WNK4: variants seen among roughly 807,000 people sequenced by gnomAD.
WNK4 encodes WNK lysine deficient protein kinase 4, also known as serine/threonine-protein kinase WNK4.
Under a neutral mutation model 116.2 loss-of-function variants are expected in WNK4, and 94 were observed. The observed-to-expected ratio is 0.81, with a 90% CI of 0.68 to 0.96. WNK4 has a LOEUF of 0.96. Among genes scored for constraint, WNK4 ranks in the 40% least tolerant of loss-of-function variants. The pLI, the probability that WNK4 is intolerant of heterozygous loss-of-function variation, is 0.00. For missense variants in WNK4, 1,542 were observed against 1,650.6 expected (o/e 0.93, Z 1.14); for synonymous variants, 655 against 672.7 (o/e 0.97, Z 0.41).
chr17:42,781,103 G>A lies in WNK4; in HGVS notation c.405G>A (p.Gly135=), dbSNP rs1374609078. Residue 135 remains glycine (G), a synonymous_variant, in exon 1 of 19, where the codon GGG becomes GGA. Coordinates refer to ENST00000246914, the MANE Select transcript of WNK4 (RefSeq NM_032387.5). ...TCCCGGACTCTGCAGTGGGCCCGGG[G>A]TCCAGGGAGCCGCTAAGGGTCCCTG... ...PELPDSAVGP[G]SREPLRVPEA... is the part of the protein sequence containing the mutation. The A allele has an allele frequency of 3.1e-6, 5 of 1,613,538 alleles. No individual in the cohort carries two copies. In the African/African-American group the frequency reaches 5.3e-5, roughly 17 times the overall value.
At position 42,787,791 on chromosome 17, in the gene WNK4, T is replaced by C. The variant is rs1484618451; in HGVS notation, c.1755T>C (p.Thr585=). The stretch of plus-strand genomic sequence containing the variant: ...CTCCCCAACCAGCGGATTGCGAGAC[T>C]GATGGCTACCTCAGCTCCTCCGGCT... ...SYSSTTSDCE[T]DGYLSSSGFL... is the part of the protein sequence containing the mutation. The change falls in exon 8 of 19, where the codon ACT becomes ACC. Residue 585 remains threonine, a synonymous_variant. Coordinates refer to ENST00000246914, the MANE Select transcript of WNK4 (RefSeq NM_032387.5). 6 of 1,612,308 alleles carry C rather than the reference T, an allele frequency of 3.7e-6. No individual in the cohort carries two copies. The East Asian group carries it at 1.3e-4, about 36-fold the overall frequency.
chr17:42,788,473 CG>C, intron 10 of WNK4, 66 bp downstream of exon 10: 1 of 1,518,322 alleles, frequency 6.6e-7, no homozygotes, highest in Non-Finnish European at 9.1e-7. Flanking sequence ...CAGGGGGAGG[CG>C]GGGGAGGTCA....
At chr17:42,783,788 C>T in intron 2 of WNK4, 149 bp from the exon 3 acceptor site, 1 of 767,664 alleles carries the variant, frequency 1.3e-6, no homozygotes, top group Non-Finnish European at 2.2e-6. Flanking sequence ...CAGTTTCTCC[C>T]TGGGGCCGGG....
rs751240549 is a variant in WNK4 at position 42,788,685 on chromosome 17, C to G, written c.2045C>G (p.Ser682Ter). The G allele has an allele frequency of 9.9e-6, 16 of 1,613,694 alleles. No individual in the cohort carries two copies. Among genetic ancestry groups the G allele is most frequent in the Non-Finnish European group, 1.4e-5 (16 of 1,179,624 alleles). The change falls in exon 11 of 19, where the codon TCA (serine) becomes TGA (stop). Residue 682 changes from serine to a stop codon, truncating the protein, a stop_gained. Coordinates refer to ENST00000246914, the MANE Select transcript of WNK4 (RefSeq NM_032387.5). LOFTEE classifies it high-confidence loss of function. The stretch of plus-strand genomic sequence containing the variant: ...CTGCTGACTTTGAATCTGAAGGTCT[C>G]AGACCAGAATGACAGAGTGGTTGAG... ...PRSRLRVTSV[S>*]DQNDRVVECQ...
intron 17 of WNK4, 21 bp downstream of exon 17, chr17:42,796,343 C>A: frequency 6.2e-7 from 1 of 1,610,068 alleles, no homozygotes; most frequent in Non-Finnish European, 8.5e-7. Flanking sequence ...AGTCACCCAG[C>A]TTCCATCTTT....
rs1487531102 is a variant in WNK4 at position 42,782,339 on chromosome 17, G to A, written c.619-419G>A. On this transcript the variant is annotated intron_variant, in intron 1 of 18. Coordinates refer to ENST00000246914, the MANE Select transcript of WNK4 (RefSeq NM_032387.5). This position sits in a 1 kb window ranked among gnomAD's most constrained non-coding sequence, Gnocchi z 4.2. Reference sequence around the variant, plus strand: ...CCTTCCGTCTGGATCTAGCAGTTCTGTTTCTGGGGCCAACCCCCTTGCCGG... The same window carrying A: ...CCTTCCGTCTGGATCTAGCAGTTCTATTTCTGGGGCCAACCCCCTTGCCGG... Among the ~76,000 whole-genome samples, 9 of 152,226 alleles carry A rather than the reference G, an allele frequency of 5.9e-5. No individual in the cohort carries two copies. Among genetic ancestry groups the A allele is most frequent in the Admixed American group, 5.2e-4 (8 of 15,290 alleles).
chr17:42,784,010 C>A lies in WNK4; in HGVS notation c.865C>A (p.His289Asn), dbSNP rs756949847. Reference protein sequence around the residue: ...RWSRQILRGLHFLHSRVPPIL... With the variant: ...RWSRQILRGLNFLHSRVPPIL... ...GAGCCGCCAAATCCTGCGGGGACTT[C>A]ATTTCCTACACTCCCGGGTTCCTCC... Residue 289 changes from histidine (H) to asparagine (N), a missense_variant, in exon 3 of 19, where the codon CAT becomes AAT. Transcript: ENST00000246914. The surrounding 1 kb of genome is among the most constrained non-coding windows in gnomAD (Gnocchi z 4.4). The A allele has an allele frequency of 6.2e-7, 1 of 1,614,128 alleles. No individual in the cohort carries two copies. The highest frequency in any genetic ancestry group is 1.7e-5 in the Admixed American group (1 of 60,032).
At position 42,787,864 on chromosome 17, in the gene WNK4, T is replaced by C; in HGVS notation, c.1828T>C (p.Ser610Pro). Residue 610 changes from serine (S) to proline (P), a missense_variant, in exon 8 of 19, where the codon TCC (serine) becomes CCC (proline). By Grantham distance (74) the Ser-to-Pro change is moderately conservative. This residue lies in a region of WNK4 where 808 missense variants were observed against 873.6 expected (regional missense o/e 0.92). Transcript: ENST00000246914. The part of the protein sequence containing the change: ...PALQPPGGVP[S>P]SLAESHLCLP... ...CCTTCAGCCCCCTGGGGGGGTGCCATCCAGCCTGGCTGAGTCCCATCTCTG... is the reference window on the plus strand; with the variant it reads ...CCTTCAGCCCCCTGGGGGGGTGCCACCCAGCCTGGCTGAGTCCCATCTCTG... 1 of 1,611,582 alleles carries C rather than the reference T, an allele frequency of 6.2e-7. No individual in the cohort carries two copies. The highest frequency in any genetic ancestry group is 8.5e-7 in the Non-Finnish European group (1 of 1,179,998).
Position 42,796,734 on chromosome 17 carries a change from T to C in WNK4, c.*46T>C, listed in dbSNP as rs760305104. ...ATCTCCCCCACACCAGGGCCCACCATGGAGCTTGTGTTCTCAGAATCTGAT... is the reference window on the plus strand; with the variant it reads ...ATCTCCCCCACACCAGGGCCCACCACGGAGCTTGTGTTCTCAGAATCTGAT... On this transcript the variant is annotated 3_prime_UTR_variant, in exon 19 of 19. Transcript: ENST00000246914. The C allele has an allele frequency of 2.3e-5, 37 of 1,614,088 alleles. No individual in the cohort carries two copies. The highest frequency in any genetic ancestry group is 2.2e-4 in the Admixed American group (13 of 60,010).
intron 4 of WNK4, 69 bp from the exon 5 acceptor site, chr17:42,785,028 G>A: frequency 6.7e-7 from 1 of 1,497,240 alleles, no homozygotes; most frequent in Non-Finnish European, 9.2e-7. Flanking sequence ...GGAGTAAGGG[G>A]TGGGGGGTGG....
At chr17:42,785,554 G>T in intron 6 of WNK4, 72 bp downstream of exon 6, 3 of 1,508,772 alleles carry the variant, frequency 2.0e-6, no homozygotes, top group Non-Finnish European at 2.7e-6. Context: ...GTGCAACAGG[G>T]ATGGGGCGCA....
intron 6 of WNK4, 124 bp from the exon 7 acceptor site, chr17:42,787,152 CAT>C (rs2144031872): frequency 7.3e-7 from 1 of 1,371,154 alleles, no homozygotes; most frequent in East Asian, 2.5e-5. Flanking sequence ...AGTTAACAGA[CAT>C]AGTGGGTAAT....
At chr17:42,793,181 T>C (rs747220132) in intron 11 of WNK4, among the ~76,000 whole-genome samples, 4 of 152,076 alleles carry the variant, frequency 2.6e-5, no homozygotes, top group South Asian at 2.1e-4. Flanking sequence ...TTGTTTTAGG[T>C]TGGTGGTTGG....
chr17:42,784,301 C>T lies in WNK4; in HGVS notation c.1013-121C>T. 6.5e-7 allele frequency: 1 copy of T among 1,543,208 alleles called. No homozygotes were observed. The highest frequency in any genetic ancestry group is 8.9e-7 in the Non-Finnish European group (1 of 1,129,156). On this transcript the variant is annotated intron_variant, in intron 3 of 18. Transcript: ENST00000246914. The surrounding 1 kb of genome is among the most constrained non-coding windows in gnomAD (Gnocchi z 4.4). ...AAGCTGAGGAGACCTATGGCACCCA[C>T]CTCAACCCCACTGTGGGCCGGGGTC...
Position 42,785,164 on chromosome 17 carries a change from T to A in WNK4, c.1238T>A (p.Ile413Asn). ...GTGAAGGAGATCATTGAAGGCTGCA[T>A]CCGCACGGATAAGAACGAGAGGTGG... ...PEVKEIIEGC[I>N]RTDKNERFTI... Residue 413 changes from isoleucine to asparagine, a missense_variant, in exon 5 of 19, where the codon ATC (isoleucine) becomes AAC (asparagine). This residue lies in a region of WNK4 where 808 missense variants were observed against 873.6 expected (regional missense o/e 0.92). Transcript: ENST00000246914. 1 of 1,613,520 alleles carries A rather than the reference T, an allele frequency of 6.2e-7. No individual in the cohort carries two copies. Among genetic ancestry groups the A allele is most frequent in the Non-Finnish European group, 8.5e-7 (1 of 1,179,842 alleles).
Position 42,787,910 on chromosome 17 carries a change from G to T in WNK4, c.1863+11G>T. The T allele has an allele frequency of 6.2e-7, 1 of 1,608,566 alleles. No individual in the cohort carries two copies. Among genetic ancestry groups the T allele is most frequent in the Non-Finnish European group, 8.5e-7 (1 of 1,179,930 alleles). ...CTCTGCCTGCCCTCGGTGAGAGGGG[G>T]TCGCATGGGGGGCTCCCAGCCATTC... On this transcript the variant is annotated intron_variant, in intron 8 of 18. Coordinates refer to ENST00000246914, the MANE Select transcript of WNK4 (RefSeq NM_032387.5).
chr17:42,794,645 T>TC lies in WNK4; in HGVS notation c.2332dup (p.Leu778ProfsTer7). On this transcript the variant is annotated frameshift_variant, in exon 13 of 19. Transcript: ENST00000246914. LOFTEE classifies it high-confidence loss of function. ...CCAGCACCATTACCTGCCCTGCCCG[T>TC]CCCCCTCCCAGACCCATCCAATGGT... The TC allele has an allele frequency of 6.2e-7, 1 of 1,613,852 alleles. No individual in the cohort carries two copies. Among genetic ancestry groups the TC allele is most frequent in the Non-Finnish European group, 8.5e-7 (1 of 1,179,970 alleles).
rs1568028278 is a variant in WNK4, at chr17:42,785,398, C to G, written c.1392C>G (p.Arg464=). The change falls in exon 6 of 19, where the codon CGC becomes CGG. Residue 464 remains arginine, a synonymous_variant. Coordinates refer to ENST00000246914, the MANE Select transcript of WNK4 (RefSeq NM_032387.5). ...KLWLRMEDAR[R]GGRPRDNQAI... ...GGCTGCGCATGGAGGACGCGCGGCG[C>G]GGGGGGCGCCCACGGGACAACCAGG... 7.6e-6 allele frequency: 12 copies of G among 1,581,772 alleles called. No homozygotes were observed. Among genetic ancestry groups the G allele is most frequent in the African/African-American group, 1.3e-5 (1 of 74,334 alleles).
rs1191046630 is a variant in WNK4, at chr17:42,788,798, G to T, written c.2157+1G>T. On this transcript the variant is annotated splice_donor_variant, in intron 11 of 18. Coordinates refer to ENST00000246914, the MANE Select transcript of WNK4 (RefSeq NM_032387.5). LOFTEE classifies it high-confidence loss of function. The stretch of plus-strand genomic sequence containing the variant: ...CCCGGAAGAGATTGCAGCTGCCATG[G>T]TGAGGGGGAGAGAGATGAGGACAGA... 4 of 1,611,418 alleles carry T rather than the reference G, an allele frequency of 2.5e-6. No individual in the cohort carries two copies. The highest frequency in any genetic ancestry group is 3.4e-6 in the Non-Finnish European group (4 of 1,177,512).
Sources: allele counts gnomAD v4.1 joint callset (sites outside exome capture counted in the v4.1 genomes callset), GRCh38; gene constraint gnomAD v4.1.1; regional missense constraint gnomAD v4.1.1; non-coding constraint Gnocchi (gnomAD v3.1); transcripts MANE v1.5; gene names NCBI Gene and HGNC (gene_info 2026-07-23, HGNC 2026-07-21).